Variants in CCDC169 observed in about 807,000 individuals in gnomAD.
CCDC169 encodes coiled-coil domain-containing protein 169.
In CCDC169, 30 loss-of-function variants were observed where a neutral mutation model predicts 36.0. The observed-to-expected ratio is 0.83, with a 90% CI of 0.62 to 1.13. The LOEUF is 1.13. Among genes scored for constraint, CCDC169 ranks in the 50% most tolerant of loss-of-function variants. The pLI is 0.00. For missense variants in CCDC169, 245 were observed against 245.9 expected, an observed-to-expected ratio of 1.00 and a Z score of 0.03; for synonymous variants, 85 against 81.5, an observed-to-expected ratio of 1.04 and a Z score of -0.23.
chr13:36,272,577 A>G (rs536923643), intron 4 of CCDC169, among the ~76,000 whole-genome samples: 2 of 152,062 alleles, frequency 1.3e-5, no homozygotes, highest in Non-Finnish European at 2.9e-5. Context: ...TTTCTTCCCA[A>G]TCAACACACT....
chr13:36,271,592 A>C (rs557308310), intron 4 of CCDC169, among the ~76,000 whole-genome samples: 1 of 152,206 alleles, frequency 6.6e-6, no homozygotes, highest in Non-Finnish European at 1.5e-5. Context: ...AAGGAATGAA[A>C]TAATGTCTTT....
chr13:36,277,727 G>T (rs1877004721), intron 4 of CCDC169, among the ~76,000 whole-genome samples: 1 of 152,024 alleles, frequency 6.6e-6, no homozygotes, highest in Non-Finnish European at 1.5e-5. Context: ...GAGGCAGGCG[G>T]ATCACCTGAG....
chr13:36,232,852 A>T (rs1346987823), intron 7 of CCDC169, among the ~76,000 whole-genome samples: 2 of 152,198 alleles, frequency 1.3e-5, no homozygotes, highest in East Asian at 3.9e-4. Context: ...AGCCGAGATC[A>T]GCCTAGGCAA....
intron 7 of CCDC169, among the ~76,000 whole-genome samples, chr13:36,238,629 A>C (rs1388359598): frequency 6.6e-6 from 1 of 152,182 alleles, no homozygotes; most frequent in Non-Finnish European, 1.5e-5. Flanking sequence ...TTTATTATTT[A>C]TAGTACTAAA....
At chr13:36,228,343 A>G (rs1272739351), downstream of CCDC169, among the ~76,000 whole-genome samples, 1 of 152,090 alleles carries the variant, frequency 6.6e-6, no homozygotes, top group Non-Finnish European at 1.5e-5. Context: ...CTTTTTTATT[A>G]TGGCAATATT....
intron 4 of CCDC169, among the ~76,000 whole-genome samples, chr13:36,264,814 C>T (rs1875069502): frequency 6.6e-6 from 1 of 152,150 alleles, no homozygotes; most frequent in Admixed American, 6.5e-5. Flanking sequence ...CTAGGGATAG[C>T]ACACTAAAAA....
chr13:36,288,985 G>A (rs895186257), intron 2 of CCDC169, among the ~76,000 whole-genome samples: 3 of 152,022 alleles, frequency 2.0e-5, no homozygotes, highest in African/African-American at 7.2e-5. Context: ...GTCTATGTAA[G>A]TTATGATAAG....
chr13:36,230,894 C>T lies in CCDC169; in HGVS notation c.*299G>A, dbSNP rs1322134217. Reference sequence around the variant, plus strand: ...AACTAGAAACCAAATAGAATAGCAACGTTACTATCAGAGCAGATCATGGGT... The same window carrying T: ...AACTAGAAACCAAATAGAATAGCAATGTTACTATCAGAGCAGATCATGGGT... On this transcript the variant is annotated 3_prime_UTR_variant, in exon 8 of 8. Coordinates refer to ENST00000239859, the MANE Select transcript of CCDC169 (RefSeq NM_001144981.3). 3.6e-5 allele frequency: 37 copies of T among 1,035,934 alleles called. No homozygotes were observed. Among genetic ancestry groups the T allele is most frequent in the South Asian group, 1.8e-4 (4 of 22,188 alleles). 64.2% of individuals were successfully genotyped at this position (1,035,934 alleles called of 1,614,324 possible). A position where few individuals can be genotyped will look rare whatever the true frequency, so the allele number is the denominator to read the frequency against.
intron 7 of CCDC169, among the ~76,000 whole-genome samples, chr13:36,237,111 C>T (rs555384104): frequency 5.9e-5 from 9 of 151,626 alleles, no homozygotes; most frequent in Non-Finnish European, 1.0e-4. Context: ...TTTTGATCCA[C>T]AGTTGGTTGA....
chr13:36,230,584 A>G (rs1179649097), downstream of CCDC169, among the ~76,000 whole-genome samples: 3 of 152,190 alleles, frequency 2.0e-5, no homozygotes, highest in African/African-American at 7.2e-5. Context: ...GAATTGTAAA[A>G]ACCTCAGAAA....
intron 4 of CCDC169, among the ~76,000 whole-genome samples, chr13:36,278,621 G>C (rs1000239346): frequency 1.3e-5 from 2 of 151,968 alleles, no homozygotes; most frequent in African/African-American, 4.8e-5. Flanking sequence ...CATTCTTCCA[G>C]TTGTCCCCCC....
chr13:36,248,321 G>A (rs1322792940), intron 7 of CCDC169, among the ~76,000 whole-genome samples: 2 of 151,858 alleles, frequency 1.3e-5, no homozygotes, highest in East Asian at 3.9e-4. Flanking sequence ...GTTGTTAATG[G>A]TGTAGTTTTA....
chr13:36,244,444 T>C (rs1356583523), intron 7 of CCDC169: 1 of 152,220 alleles, frequency 6.6e-6, no homozygotes. Context: ...TAAAACTTCA[T>C]GTACTGTCAT....
At chr13:36,227,417 A>G, downstream of CCDC169, 2 of 1,480,138 alleles carry the variant, frequency 1.4e-6, no homozygotes, top group South Asian at 1.4e-5. Flanking sequence ...ATGAATAAGG[A>G]CAGCGAAGGT....
intron 1 of CCDC169, 124 bp from the exon 2 acceptor site, chr13:36,295,981 G>A: frequency 5.2e-6 from 3 of 580,566 alleles, no homozygotes; most frequent in Non-Finnish European, 8.8e-6. Context: ...CTGAAGGACT[G>A]GTTAAGAAAT....
At chr13:36,261,872 T>C (rs1392300042) in intron 4 of CCDC169, among the ~76,000 whole-genome samples, 1 of 152,176 alleles carries the variant, frequency 6.6e-6, no homozygotes, top group Admixed American at 6.5e-5. Flanking sequence ...CTGCAGTGCA[T>C]TTGTGAGTTC....
At chr13:36,257,387 G>T (rs975556) in intron 4 of CCDC169, among the ~76,000 whole-genome samples, 61,614 of 152,008 alleles carry the variant, frequency 0.41, 13,262 homozygotes, top group Non-Finnish European at 0.48. Context: ...TTCTGCTTCA[G>T]GGAAGCCTGG....
intron 7 of CCDC169, among the ~76,000 whole-genome samples, chr13:36,237,007 G>T (rs1056051437): frequency 2.6e-5 from 4 of 151,860 alleles, no homozygotes; most frequent in African/African-American, 9.7e-5. Context: ...TAACACAAAA[G>T]TAAATGCTAT....
At chr13:36,292,562 G>A (rs1879030892) in intron 2 of CCDC169, among the ~76,000 whole-genome samples, 1 of 152,110 alleles carries the variant, frequency 6.6e-6, no homozygotes, top group Non-Finnish European at 1.5e-5. Context: ...AGAATATAAA[G>A]CTCTTTGGAG....
Sources: allele counts gnomAD v4.1 joint callset (sites outside exome capture counted in the v4.1 genomes callset), GRCh38; gene constraint gnomAD v4.1.1; transcripts MANE v1.5; gene names NCBI Gene and HGNC (gene_info 2026-07-23, HGNC 2026-07-21).